NRG2: variants seen among roughly 807,000 people sequenced by gnomAD.
NRG2 encodes the protein neuregulin 2, also known as pro-neuregulin-2, membrane-bound isoform.
Under a neutral mutation model 73.9 loss-of-function variants are expected in NRG2, and 27 were observed. The observed-to-expected ratio is 0.37, with a 90% CI of 0.27 to 0.50. NRG2 has a LOEUF of 0.50. Ranked by LOEUF, NRG2 falls within the 20% of genes least tolerant of loss-of-function variation. The pLI is 0.96. For missense variants in NRG2, 1,126 were observed against 1,210.1 expected (o/e 0.93, Z 1.03); for synonymous variants, 532 against 541.0 (o/e 0.98, Z 0.23).
intron 6 of NRG2, among the ~76,000 whole-genome samples, chr5:139,854,454 C>T (rs184283251): frequency 6.6e-6 from 1 of 152,394 alleles, no homozygotes; most frequent in Admixed American, 6.5e-5. Context: ...TGGTGTCCAG[C>T]AGGCACTGAA....
At chr5:139,871,586 C>T (rs1561642473) in intron 4 of NRG2, 135 bp downstream of exon 4, 2 of 1,168,406 alleles carry the variant, frequency 1.7e-6, no homozygotes, top group East Asian at 4.8e-5. Context: ...GGAAGTAGGG[C>T]AAAGCTTCCT....
chr5:140,022,209 C>A lies in NRG2; in HGVS notation c.700+20161G>T, dbSNP rs140486639. Among the ~76,000 whole-genome samples, 3 of 152,286 alleles carry A rather than the reference C, an allele frequency of 2.0e-5. No homozygotes were observed. In the South Asian group the frequency reaches 6.2e-4, roughly 32 times the overall value. The stretch of plus-strand genomic sequence containing the variant: ...TTCTTTCTTCGTGATTTTATTCAAG[C>A]TTTTATGTCTACCAAGAATGACCTG... On this transcript the variant is annotated intron_variant, in intron 1 of 9. Transcript: ENST00000361474.
In NRG2 at chr5:139,851,701, G is replaced by A. The variant is rs148371256; in HGVS notation, c.1675C>T (p.Arg559Trp). 1.7e-4 allele frequency: 274 copies of A among 1,614,130 alleles called. No individual in the cohort carries two copies. In the Middle Eastern group the frequency reaches 3.5e-3, roughly 20 times the overall value. Residue 559 changes from arginine (R) to tryptophan (W), a missense_variant, in exon 9 of 10, where the codon CGG becomes TGG. By Grantham distance (101) the Arg-to-Trp change is moderately radical. Coordinates refer to ENST00000361474, the MANE Select transcript of NRG2 (RefSeq NM_004883.3). This position sits in a 1 kb window ranked among gnomAD's most constrained non-coding sequence, Gnocchi z 4.2. ...TCCTCCAGGTTGTAGGCTGCTGCCC[G>A]CCTTGCCCGGGCCTCCACACATGCT... ...SPACVEARAR[R>W]AAAYNLEERR... is the part of the protein sequence containing the mutation.
At position 140,000,506 on chromosome 5, in the gene NRG2, T is replaced by C. The variant is rs184868582; in HGVS notation, c.700+41864A>G. ...CCAGGGAGCCCCTGAACCAAGCCAG[T>C]TGTTAAGTAGGCGTGAGAACCCATC... On this transcript the variant is annotated intron_variant, in intron 1 of 9. Transcript: ENST00000361474. Among the ~76,000 whole-genome samples, 20 of 152,242 alleles carry C rather than the reference T, an allele frequency of 1.3e-4. No individual in the cohort carries two copies. The South Asian group carries it at 2.7e-3, about 21-fold the overall frequency.
At chr5:139,950,105 A>G (rs928633944) in intron 1 of NRG2, among the ~76,000 whole-genome samples, 1 of 152,182 alleles carries the variant, frequency 6.6e-6, no homozygotes, top group Non-Finnish European at 1.5e-5. Flanking sequence ...GTAGAAAGAG[A>G]ATTGTAGGCT....
In NRG2 at chr5:139,847,912, G is replaced by C. The variant is rs937485361; in HGVS notation, c.*5C>G. ...GGGCGGGGCGGAGGGGCGCGCGGCG[G>C]GGCCCTAGAGTGGCGCCGAGTCCTG... On this transcript the variant is annotated 3_prime_UTR_variant, in exon 10 of 10. Transcript: ENST00000361474. 4.9e-6 allele frequency: 7 copies of C among 1,440,876 alleles called. No homozygotes were observed. Among genetic ancestry groups the C allele is most frequent in the Admixed American group, 5.8e-5 (2 of 34,546 alleles). 89.3% of individuals were successfully genotyped at this position (1,440,876 alleles called of 1,614,324 possible). A position where few individuals can be genotyped will look rare whatever the true frequency, so the allele number is the denominator to read the frequency against.
chr5:139,966,339 T>C (rs1189057762), intron 1 of NRG2, among the ~76,000 whole-genome samples: 1 of 152,236 alleles, frequency 6.6e-6, no homozygotes, highest in Non-Finnish European at 1.5e-5. Flanking sequence ...TGCACTGGAA[T>C]GTGAGGATCC....
At chr5:139,985,880 A>G (rs2126575464) in intron 1 of NRG2, among the ~76,000 whole-genome samples, 1 of 152,086 alleles carries the variant, frequency 6.6e-6, no homozygotes, top group Admixed American at 6.5e-5. Context: ...ACTCCCAATG[A>G]CCCACTGGGA....
At position 139,943,020 on chromosome 5, in the gene NRG2, T is replaced by C. The variant is rs189938496; in HGVS notation, c.701-55509A>G. On this transcript the variant is annotated intron_variant, in intron 1 of 9. Transcript: ENST00000361474. ...CACGCCTGGCTAGTTTTTGTATTTT[T>C]AGTAGAGACGGGGCTTCACCATGTT... Among the ~76,000 whole-genome samples the C allele has an allele frequency of 3.9e-5, 6 of 152,306 alleles. No individual in the cohort carries two copies. The East Asian group carries it at 1.2e-3, about 29-fold the overall frequency.
At chr5:139,953,953 C>G (rs190820962) in intron 1 of NRG2, among the ~76,000 whole-genome samples, 1 of 152,136 alleles carries the variant, frequency 6.6e-6, no homozygotes, top group Non-Finnish European at 1.5e-5. Flanking sequence ...ACCCCTCCCC[C>G]ATCCCTGGCA....
chr5:140,033,721 G>C (rs1761310494), intron 1 of NRG2, among the ~76,000 whole-genome samples: 1 of 152,088 alleles, frequency 6.6e-6, no homozygotes, highest in African/African-American at 2.4e-5. Flanking sequence ...GTTTCCTCTT[G>C]CCTCCCCCTG....
At chr5:139,968,011 A>AAATAAATG (rs1248365112) in intron 1 of NRG2, among the ~76,000 whole-genome samples, 7 of 149,424 alleles carry the variant, frequency 4.7e-5, no homozygotes, top group South Asian at 2.1e-4. Context: ...ATAAATAAAT[A>AAATAAATG]AATGGAGAAC....
At position 139,848,620 on chromosome 5, in the gene NRG2, G is replaced by A. The variant is rs1041508687; in HGVS notation, c.1850C>T (p.Thr617Ile). 23 of 1,578,834 alleles carry A rather than the reference G, an allele frequency of 1.5e-5. No homozygotes were observed. Among genetic ancestry groups the A allele is most frequent in the Non-Finnish European group, 1.9e-5 (22 of 1,172,030 alleles). Residue 617 changes from threonine to isoleucine, a missense_variant, in exon 10 of 10, where the codon ACT becomes ATT. By Grantham distance (89) the Thr-to-Ile change is moderately conservative. This residue lies in a region of NRG2 where 539 missense variants were observed against 703.2 expected (regional missense o/e 0.77). Transcript: ENST00000361474. ...CGAGTTGGGGGACGTGATCTCGAAAGTTGGCACCTGCGTGGCCAGCGAGTA... is the reference window on the plus strand; with the variant it reads ...CGAGTTGGGGGACGTGATCTCGAAAATTGGCACCTGCGTGGCCAGCGAGTA... ...FHYSLATQVP[T>I]FEITSPNSAH...
At chr5:139,884,296 A>G (rs1361464542) in intron 2 of NRG2, among the ~76,000 whole-genome samples, 3 of 152,164 alleles carry the variant, frequency 2.0e-5, no homozygotes, top group Admixed American at 1.3e-4. Flanking sequence ...GAAGACAGTT[A>G]AGCTGGGCCT....
chr5:139,891,608 C>G (rs1364344086), intron 1 of NRG2, among the ~76,000 whole-genome samples: 1 of 150,606 alleles, frequency 6.6e-6, no homozygotes, highest in African/African-American at 2.5e-5. Flanking sequence ...AACAAAACAT[C>G]AACAGGAAAT....
chr5:139,871,825 T>A lies in NRG2; in HGVS notation c.1008A>T (p.Ser336=), dbSNP rs980481588. 6.2e-7 allele frequency: 1 copy of A among 1,614,006 alleles called. No homozygotes were observed. Among genetic ancestry groups the A allele is most frequent in the African/African-American group, 1.3e-5 (1 of 75,012 alleles). Residue 336 remains serine (S), a synonymous_variant, in exon 4 of 10, where the codon TCA becomes TCT. Coordinates refer to ENST00000361474, the MANE Select transcript of NRG2 (RefSeq NM_004883.3). The part of the protein sequence containing the change: ...LYVNSVSTTL[S]SWSGHARKCN... ...ACTTCCGGGCGTGCCCCGACCAGGA[T>A]GACAGGGTGGTGCTCACTGAGGGTA... is the stretch of plus-strand genomic sequence containing the variant.
intron 1 of NRG2, chr5:140,019,615 A>G (rs1760063265): frequency 6.6e-6 from 1 of 152,162 alleles, no homozygotes; most frequent in South Asian, 2.1e-4. Flanking sequence ...TTAAGAAAGT[A>G]TAAGTTCAAA....
Position 139,853,196 on chromosome 5 carries a change from A to G in NRG2, c.1293-169T>C, listed in dbSNP as rs1157200979. Among the ~76,000 whole-genome samples, 1 of 152,140 alleles carries G rather than the reference A, an allele frequency of 6.6e-6. No homozygotes were observed. The highest frequency in any genetic ancestry group is 1.5e-5 in the Non-Finnish European group (1 of 68,012). On this transcript the variant is annotated intron_variant, in intron 6 of 9. Coordinates refer to ENST00000361474, the MANE Select transcript of NRG2 (RefSeq NM_004883.3). The surrounding 1 kb of genome is among the most constrained non-coding windows in gnomAD (Gnocchi z 4.1). ...ACAGCATCACTACCACCTGAATCCA[A>G]TAGGACCTGAGCGTCGTGGCAGTGA...
At chr5:139,862,476 C>T (rs982631396) in intron 5 of NRG2, among the ~76,000 whole-genome samples, 3 of 152,350 alleles carry the variant, frequency 2.0e-5, no homozygotes, top group East Asian at 3.9e-4. Flanking sequence ...ACTGAGTCAC[C>T]GGAAGGTCCT....
Sources: gnomAD v4.1 joint callset for allele counts (sites outside exome capture counted in the v4.1 genomes callset) on GRCh38, gnomAD v4.1.1 for gene constraint, gnomAD v4.1.1 regional missense constraint, Gnocchi (gnomAD v3.1) non-coding constraint, MANE v1.5 for transcripts, NCBI Gene and HGNC (gene_info 2026-07-23, HGNC 2026-07-21) for gene names.